Variants in INAVA observed in about 807,000 individuals in gnomAD.
The protein encoded by INAVA is innate immunity activator, also known as innate immunity activator protein.
A neutral mutation model predicts 55.3 loss-of-function variants in INAVA; 32 were observed. The observed-to-expected ratio is 0.58, with a 90% CI of 0.44 to 0.78. INAVA has a LOEUF of 0.78. INAVA is among the 30% of genes least tolerant of loss of function. The pLI is 0.00. For missense variants in INAVA, 756 were observed against 786.4 expected (o/e 0.96, Z 0.46); for synonymous variants, 294 against 329.4 (o/e 0.89, Z 1.16).
rs1185013897 is a variant in INAVA at position 200,901,131 on chromosome 1, T to G, written c.492T>G (p.Pro164=). ...AGCGGCGGCGCAATAGCGAGCCACC[T>G]CCGGCTGCTGCTCTCCCCCTGGGCC... ...LVERRRNSEP[P]PAAALPLGRE... The change falls in exon 5 of 10, where the codon CCT becomes CCG. Residue 164 remains proline, a synonymous_variant. Transcript: ENST00000413687. The G allele has an allele frequency of 3.3e-6, 5 of 1,525,478 alleles. No homozygotes were observed. The highest frequency in any genetic ancestry group is 4.4e-6 in the Non-Finnish European group (5 of 1,139,982). 94.5% of individuals were successfully genotyped at this position (1,525,478 alleles called of 1,614,324 possible).
Position 200,908,828 on chromosome 1 carries a change from G to A in INAVA, c.673G>A (p.Glu225Lys), listed in dbSNP as rs1172684871. The change falls in exon 7 of 10, where the codon GAG becomes AAG. Residue 225 changes from glutamate (E) to lysine (K), a missense_variant. Transcript: ENST00000413687. ...TGAGGGTCTGCAGCCAACAGGACCT[G>A]AGGCTGGGAGCCCAGAACGGGCTCC... ...TLEGLQPTGP[E>K]AGSPERAPVQ... The A allele has an allele frequency of 6.2e-7, 1 of 1,613,928 alleles. No homozygotes were observed. Among genetic ancestry groups the A allele is most frequent in the Admixed American group, 1.7e-5 (1 of 59,990 alleles).
chr1:200,895,005 C>A lies in INAVA; in HGVS notation c.-177C>A. The A allele has an allele frequency of 1.0e-6, 1 of 985,666 alleles. No individual in the cohort carries two copies. The highest frequency in any genetic ancestry group is 1.2e-6 in the Non-Finnish European group (1 of 830,076). 61.1% of individuals were successfully genotyped at this position (985,666 alleles called of 1,614,324 possible). A position where few individuals can be genotyped will look rare whatever the true frequency, so the allele number is the denominator to read the frequency against. On this transcript the variant is annotated 5_prime_UTR_variant, in exon 1 of 10. In the 5' UTR this introduces an upstream ATG that the reference lacks. Coordinates refer to ENST00000413687, the MANE Select transcript of INAVA (RefSeq NM_001142569.3). ...GCACAGGCCTGTGGCTTGGGAGACC[C>A]TGAGGCGACATGTGAGGGCCCTGAG...
Position 200,908,825 on chromosome 1 carries a change from C to G in INAVA, c.670C>G (p.Pro224Ala), listed in dbSNP as rs1478560565. The change falls in exon 7 of 10, where the codon CCT (proline) becomes GCT (alanine). Residue 224 changes from proline (P) to alanine (A), a missense_variant. Physicochemically the swap from Pro to Ala is conservative, Grantham distance 27. This residue lies in a region of INAVA where 639 missense variants were observed against 624.3 expected (regional missense o/e 1.02). Coordinates refer to ENST00000413687, the MANE Select transcript of INAVA (RefSeq NM_001142569.3). Reference protein sequence around the residue: ...QTLEGLQPTGPEAGSPERAPV... With the variant: ...QTLEGLQPTGAEAGSPERAPV... ...CCTTGAGGGTCTGCAGCCAACAGGA[C>G]CTGAGGCTGGGAGCCCAGAACGGGC... 2.5e-6 allele frequency: 4 copies of G among 1,613,910 alleles called. No homozygotes were observed. Among genetic ancestry groups the G allele is most frequent in the Non-Finnish European group, 3.4e-6 (4 of 1,179,958 alleles).
upstream of INAVA, among the ~76,000 whole-genome samples, chr1:200,894,506 G>A (rs960656494): frequency 6.6e-6 from 1 of 152,158 alleles, no homozygotes; most frequent in African/African-American, 2.4e-5. Flanking sequence ...CTGTCAGTTT[G>A]TAAATGTCCT....
rs543461914 is a variant in INAVA, at chr1:200,901,123, G to T, written c.484G>T (p.Glu162Ter). 1 of 1,529,124 alleles carries T rather than the reference G, an allele frequency of 6.5e-7. No homozygotes were observed. 94.7% of individuals were successfully genotyped at this position (1,529,124 alleles called of 1,614,324 possible). A position where few individuals can be genotyped will look rare whatever the true frequency, so the allele number is the denominator to read the frequency against. Reference protein sequence around the residue: ...RCLVERRRNSEPPPAAALPLG... With the variant: ...RCLVERRRNS ...CCTGGTCGAGCGGCGGCGCAATAGC[G>T]AGCCACCTCCGGCTGCTGCTCTCCC... The change falls in exon 5 of 10, where the codon GAG becomes TAG. Residue 162 changes from glutamate (E) to a stop codon, truncating the protein, a stop_gained. Transcript: ENST00000413687. LOFTEE classifies it high-confidence loss of function.
chr1:200,897,619 T>C (rs1238322511), intron 1 of INAVA, among the ~76,000 whole-genome samples: 3 of 152,088 alleles, frequency 2.0e-5, no homozygotes, highest in Non-Finnish European at 2.9e-5. Context: ...CATAAAGATG[T>C]CTTCCCCTTC....
Position 200,899,468 on chromosome 1 carries a change from T to G in INAVA, c.56-5T>G. Reference sequence around the variant, plus strand: ...CCCTGAGCATGTGCCCCCCAACCCTTGCAGGCCCCGACAGCCCGGTCTCCC... The same window carrying G: ...CCCTGAGCATGTGCCCCCCAACCCTGGCAGGCCCCGACAGCCCGGTCTCCC... On this transcript the variant is annotated splice_polypyrimidine_tract_variant and splice_region_variant and intron_variant, in intron 2 of 9. Transcript: ENST00000413687. The G allele has an allele frequency of 6.2e-7, 1 of 1,613,912 alleles. No homozygotes were observed. The highest frequency in any genetic ancestry group is 1.1e-5 in the South Asian group (1 of 91,070).
upstream of INAVA, chr1:200,891,746 C>T: frequency 7.4e-7 from 1 of 1,353,686 alleles, no homozygotes; most frequent in Non-Finnish European, 9.7e-7. Flanking sequence ...TGAACTGGGG[C>T]GGGGGATCGG....
At chr1:200,908,116 G>A in intron 6 of INAVA, 1 of 444,630 alleles carries the variant, frequency 2.2e-6, no homozygotes, top group Non-Finnish European at 4.1e-6. Flanking sequence ...ATTTTTACAG[G>A]GAAAGGAAAG....
chr1:200,908,448 C>T, intron 6 of INAVA: 1 of 327,332 alleles, frequency 3.1e-6, no homozygotes, highest in South Asian at 9.2e-5. Flanking sequence ...AGACATGGTA[C>T]CAGGAACAAA....
At chr1:200,891,734 G>A (rs752785107), upstream of INAVA, 2 of 1,410,236 alleles carry the variant, frequency 1.4e-6, no homozygotes, top group Non-Finnish European at 1.9e-6. Context: ...ACCCAGTGCG[G>A]GTGAACTGGG....
rs1653834830 is a variant in INAVA at position 200,913,570 on chromosome 1, G to A, written c.1678G>A (p.Asp560Asn). The A allele has an allele frequency of 6.2e-7, 1 of 1,614,096 alleles. No homozygotes were observed. Among genetic ancestry groups the A allele is most frequent in the East Asian group, 2.2e-5 (1 of 44,872 alleles). ...AGTTTGTGTGCTGCGGAGATCGCCT[G>A]ATGGGGCCCCTGTGCAAGTCTTTGT... Reference protein sequence around the residue: ...PTVCVLRRSPDGAPVQVFVPE... With the variant: ...PTVCVLRRSPNGAPVQVFVPE... Residue 560 changes from aspartate to asparagine, a missense_variant, in exon 10 of 10, where the codon GAT becomes AAT. Asp to Asn is a conservative substitution (Grantham distance 23). Transcript: ENST00000413687.
chr1:200,903,086 A>G (rs1166626667), intron 5 of INAVA: 1 of 152,218 alleles, frequency 6.6e-6, no homozygotes, highest in Non-Finnish European at 1.5e-5. Flanking sequence ...CACAGAAGGG[A>G]TCAGTTCTAG....
rs1653840864 is a variant in INAVA, at chr1:200,913,683, C to A, written c.*54C>A. On this transcript the variant is annotated 3_prime_UTR_variant, in exon 10 of 10. Transcript: ENST00000413687. ...TTCATAGAGGGGCTGGGCTGAGACC[C>A]CCCCACCCCTGAGTGCCTCTTTCAG... is the stretch of plus-strand genomic sequence containing the variant. 4 of 1,447,700 alleles carry A rather than the reference C, an allele frequency of 2.8e-6. No individual in the cohort carries two copies. The highest frequency in any genetic ancestry group is 2.8e-5 in the African/African-American group (2 of 71,816). The allele number at this position is 1,447,700 out of a possible 1,614,324, so 89.7% of individuals were successfully genotyped here. A position where few individuals can be genotyped will look rare whatever the true frequency, so the allele number is the denominator to read the frequency against.
chr1:200,914,203 G>A lies in INAVA; in HGVS notation c.*574G>A, dbSNP rs1653859175. ...GTAGGTCAAAGGTCAGTATATCCCGGTGGTGTATTGTCTTGCTAGACCCTG... is the reference window on the plus strand; with the variant it reads ...GTAGGTCAAAGGTCAGTATATCCCGATGGTGTATTGTCTTGCTAGACCCTG... On this transcript the variant is annotated 3_prime_UTR_variant, in exon 10 of 10. Transcript: ENST00000413687. 1.3e-5 allele frequency: 2 copies of A among 152,866 alleles called. No individual in the cohort carries two copies. Among genetic ancestry groups the A allele is most frequent in the South Asian group, 2.1e-4 (1 of 4,846 alleles). 9.5% of individuals were successfully genotyped at this position (152,866 alleles called of 1,614,324 possible). A position where few individuals can be genotyped will look rare whatever the true frequency, so the allele number is the denominator to read the frequency against.
At chr1:200,900,009 G>T in intron 3 of INAVA, 95 bp from the exon 4 acceptor site, 1 of 1,054,610 alleles carries the variant, frequency 9.5e-7, no homozygotes, top group Non-Finnish European at 1.4e-6. Flanking sequence ...GTCCCACCAG[G>T]GCTTCTATGG....
At chr1:200,911,190 T>C (rs569853008) in intron 8 of INAVA, among the ~76,000 whole-genome samples, 1 of 150,370 alleles carries the variant, frequency 6.7e-6, no homozygotes, top group East Asian at 1.9e-4. Flanking sequence ...CTACTTGATG[T>C]AGCACACTTT....
chr1:200,912,265 G>C lies in INAVA; in HGVS notation c.1644+128G>C, dbSNP rs1215608307. The C allele has an allele frequency of 4.3e-6, 4 of 920,250 alleles. No homozygotes were observed. In the East Asian group the frequency reaches 1.1e-4, roughly 25 times the overall value. 57.0% of individuals were successfully genotyped at this position (920,250 alleles called of 1,614,324 possible). ...GCAACCTAGTGGCCGGGTAATCCCC[G>C]TCTAGGAAGAACAGGCCAAAAAATC... On this transcript the variant is annotated intron_variant, in intron 9 of 9. Coordinates refer to ENST00000413687, the MANE Select transcript of INAVA (RefSeq NM_001142569.3).
chr1:200,914,079 ACT>A lies in INAVA; in HGVS notation c.*454_*455del, dbSNP rs1279574335. The stretch of plus-strand genomic sequence containing the variant: ...GACATGGTACATACTCATGCACATG[ACT>A]CTCCCCCATTTCCCAGGTCTCTGGG... On this transcript the variant is annotated 3_prime_UTR_variant, in exon 10 of 10. Coordinates refer to ENST00000413687, the MANE Select transcript of INAVA (RefSeq NM_001142569.3). 1 of 158,390 alleles carries A rather than the reference ACT, an allele frequency of 6.3e-6. No individual in the cohort carries two copies. The highest frequency in any genetic ancestry group is 1.4e-5 in the Non-Finnish European group (1 of 71,966). The allele number at this position is 158,390 out of a possible 1,614,324, so 9.8% of individuals were successfully genotyped here.
Sources: allele counts gnomAD v4.1 joint callset (sites outside exome capture counted in the v4.1 genomes callset), GRCh38; gene constraint gnomAD v4.1.1; regional missense constraint gnomAD v4.1.1; transcripts MANE v1.5; gene names NCBI Gene and HGNC (gene_info 2026-07-23, HGNC 2026-07-21).